HNF4A: variants seen among roughly 807,000 people sequenced by gnomAD.
HNF4A encodes hepatocyte nuclear factor 4-alpha.
HNF4A carries 15 observed loss-of-function variants against 52.4 expected under a neutral mutation model. That is an observed-to-expected ratio of 0.29 (90% CI 0.19 to 0.44). The LOEUF (loss-of-function observed/expected upper bound fraction) is 0.44, where lower values mean the gene tolerates loss of function less well. Among genes scored for constraint, HNF4A ranks in the 20% least tolerant of loss-of-function variants. The pLI, the probability that HNF4A is intolerant of heterozygous loss-of-function variation, is 1.00. For synonymous variants in HNF4A, 280 were observed against 264.4 expected (o/e 1.06, Z -0.57); for missense variants, 479 against 647.2 (o/e 0.74, Z 2.82).
Position 44,424,096 on chromosome 20 carries a change from A to G in HNF4A, c.971A>G (p.Asn324Ser), listed in dbSNP as rs2063784674. 6.2e-7 allele frequency: 1 copy of G among 1,613,242 alleles called. No individual in the cohort carries two copies. The highest frequency in any genetic ancestry group is 1.7e-5 in the Admixed American group (1 of 59,988). ...CAGGTGAGCTTGGAGGACTACATCAACGACCGCCAGTATGACTCGCGTGGC... is the reference window on the plus strand; with the variant it reads ...CAGGTGAGCTTGGAGGACTACATCAGCGACCGCCAGTATGACTCGCGTGGC... Residue 324 changes from asparagine (N) to serine (S), a missense_variant, in exon 8 of 10, where the codon AAC becomes AGC. Asn to Ser is a conservative substitution (Grantham distance 46, BLOSUM62 1). Around this residue, in one of 3 missense-constraint regions of HNF4A, gnomAD observed 389 missense variants for 525.1 expected, o/e 0.74. Transcript: ENST00000316099.
rs1451758887 is a variant in HNF4A at position 44,406,219 on chromosome 20, A to C, written c.277A>C (p.Met93Leu). ...CCGGAGGAGCGTGCGGAAGAACCAC[A>C]TGTACTCCTGCAGGTGAGGAGCCTC... Residue 93 changes from methionine to leucine, a missense_variant, in exon 2 of 10, where the codon ATG (methionine) becomes CTG (leucine). Coordinates refer to ENST00000316099, the MANE Select transcript of HNF4A (RefSeq NM_000457.6). 2 of 1,613,556 alleles carry C rather than the reference A, an allele frequency of 1.2e-6. No homozygotes were observed. Among genetic ancestry groups the C allele is most frequent in the East Asian group, 4.5e-5 (2 of 44,860 alleles).
intron 8 of HNF4A, among the ~76,000 whole-genome samples, chr20:44,424,881 T>C (rs905892127): frequency 2.0e-5 from 3 of 152,180 alleles, no homozygotes; most frequent in Non-Finnish European, 2.9e-5. Flanking sequence ...AAGATGGAGA[T>C]TGGGCAGAAA....
At chr20:44,394,233 C>G (rs7272821) in intron 1 of HNF4A, among the ~76,000 whole-genome samples, 6 of 152,068 alleles carry the variant, frequency 3.9e-5, no homozygotes, top group Non-Finnish European at 7.4e-5. Flanking sequence ...AGACATTGCC[C>G]GGGTCCACAG....
intron 5 of HNF4A, 146 bp downstream of exon 5, chr20:44,414,808 T>C (rs2063640087): frequency 2.6e-6 from 2 of 756,684 alleles, no homozygotes; most frequent in African/African-American, 1.7e-5. Flanking sequence ...TCTGAAACTT[T>C]AAATCACCTT....
chr20:44,373,368 C>T (rs993438613), intron 1 of HNF4A, among the ~76,000 whole-genome samples: 3 of 152,026 alleles, frequency 2.0e-5, no homozygotes, highest in Non-Finnish European at 4.4e-5. Flanking sequence ...GAGATGGGGT[C>T]TTACTGTGTT....
rs6103721 is a variant in HNF4A at position 44,382,705 on chromosome 20, T to G, written c.50-23353T>G. 5.5e-3 allele frequency among the ~76,000 whole-genome samples: 842 copies of G among 152,314 alleles called. 10 individuals are homozygous for G. The highest frequency in any genetic ancestry group is 0.019 in the African/African-American group (807 of 41,556). ...GAACTACATTCTCTCTAATGATACA[T>G]ACGACTGGGTTAGAGGTTTGGGCAG... On this transcript the variant is annotated intron_variant, in intron 1 of 9. Coordinates refer to the HNF4A transcript ENST00000316673.
rs756822197 is a variant in HNF4A at position 44,368,141 on chromosome 20, C to CATATATATATAT, written c.49+12297_49+12308dup. On this transcript the variant is annotated intron_variant, in intron 1 of 9. Transcript: ENST00000316673. ...ATATATGTGTGTGTGTGTGTATATA[C>CATATATATATAT]ATATATATATATATATATATTTTTT... 6.6e-3 allele frequency among the ~76,000 whole-genome samples: 85 copies of CATATATATATAT among 12,896 alleles called. 3 individuals are homozygous for CATATATATATAT. The highest frequency in any genetic ancestry group is 0.013 in the South Asian group (4 of 308). The allele number at this position is 12,896 out of a possible 152,430, so 8.5% of individuals were successfully genotyped here.
chr20:44,411,461 C>A (rs1045220039), intron 3 of HNF4A, among the ~76,000 whole-genome samples: 1 of 152,028 alleles, frequency 6.6e-6, no homozygotes, highest in Non-Finnish European at 1.5e-5. Flanking sequence ...CCTTTCATTC[C>A]GCCCGCCGGC....
At chr20:44,414,414 C>T (rs1220987561) in intron 4 of HNF4A, 93 bp from the exon 5 acceptor site, 5 of 1,573,706 alleles carry the variant, frequency 3.2e-6, no homozygotes, top group Non-Finnish European at 4.4e-6. Flanking sequence ...CCCCTCCCCA[C>T]ATCTGATTCC....
At chr20:44,399,930 G>A (rs922972145), upstream of HNF4A, among the ~76,000 whole-genome samples, 1 of 152,136 alleles carries the variant, frequency 6.6e-6, no homozygotes. Flanking sequence ...TGGAGGACAG[G>A]CTCCCAGGCC....
intron 1 of HNF4A, among the ~76,000 whole-genome samples, chr20:44,370,444 T>C (rs973545251): frequency 2.6e-5 from 4 of 152,238 alleles, no homozygotes; most frequent in African/African-American, 9.6e-5. Context: ...ATAGCTGATT[T>C]CTTCTCATTG....
chr20:44,386,645 T>G (rs1377288309), intron 1 of HNF4A, among the ~76,000 whole-genome samples: 1 of 152,166 alleles, frequency 6.6e-6, no homozygotes, highest in Non-Finnish European at 1.5e-5. Context: ...GTTTTGATTA[T>G]CACACCTTGA....
intron 1 of HNF4A, among the ~76,000 whole-genome samples, chr20:44,388,859 CG>C (rs1238988016): frequency 1.6e-4 from 24 of 152,220 alleles, no homozygotes; most frequent in Non-Finnish European, 1.5e-4. Flanking sequence ...AGCTGCGGCC[CG>C]GGTGGCCACG....
At position 44,406,251 on chromosome 20, in the gene HNF4A, T is replaced by C. The variant is rs751386153; in HGVS notation, c.290+19T>C. The C allele has an allele frequency of 3.7e-6, 6 of 1,610,070 alleles. No individual in the cohort carries two copies. In the East Asian group the frequency reaches 1.3e-4, roughly 36 times the overall value. ...CCTGCAGGTGAGGAGCCTCAATTTCTTCAGCTGGGAAATGGGCACACTTGG... is the reference window on the plus strand; with the variant it reads ...CCTGCAGGTGAGGAGCCTCAATTTCCTCAGCTGGGAAATGGGCACACTTGG... On this transcript the variant is annotated intron_variant, in intron 2 of 9. Transcript: ENST00000316099.
intron 1 of HNF4A, among the ~76,000 whole-genome samples, chr20:44,362,571 C>A (rs1051124694): frequency 1.3e-5 from 2 of 152,026 alleles, no homozygotes; most frequent in African/African-American, 2.4e-5. Context: ...ATGTAATGGG[C>A]AAGATGTTGG....
chr20:44,407,909 C>A (rs1183329486), intron 3 of HNF4A, among the ~76,000 whole-genome samples: 1 of 152,210 alleles, frequency 6.6e-6, no homozygotes, highest in African/African-American at 2.4e-5. Context: ...GCCTGAGCTT[C>A]CGGTCCCAGG....
chr20:44,432,352 T>TA lies in HNF4A; in HGVS notation c.*2687_*2688insA. On this transcript the variant is annotated 3_prime_UTR_variant, in exon 10 of 10. Transcript: ENST00000316099. ...AGAAAATCTCTCGCTCTCTTTTTTT[T>TA]TTTTTTTTTTTTTTTTGGCTACTTG... 7.7e-6 allele frequency: 1 copy of TA among 129,034 alleles called. No individual in the cohort carries two copies. The highest frequency in any genetic ancestry group is 2.6e-4 in the South Asian group (1 of 3,856). The allele number at this position is 129,034 out of a possible 1,614,324, so 8.0% of individuals were successfully genotyped here. A position where few individuals can be genotyped will look rare whatever the true frequency, so the allele number is the denominator to read the frequency against.
At position 44,418,431 on chromosome 20, in the gene HNF4A, C is replaced by G; in HGVS notation, c.655C>G (p.Leu219Val). ...TGTTCCTTCTCTCTTTCAGGTGGCC[C>G]TGCTCAGAGCCCATGCTGGCGAGCA... Residue 219 changes from leucine to valine, a missense_variant, in exon 6 of 10, where the codon CTG (leucine) becomes GTG (valine). Coordinates refer to ENST00000316099, the MANE Select transcript of HNF4A (RefSeq NM_000457.6). The G allele has an allele frequency of 6.2e-7, 1 of 1,613,910 alleles. No homozygotes were observed. Among genetic ancestry groups the G allele is most frequent in the Admixed American group, 1.7e-5 (1 of 60,028 alleles).
chr20:44,387,655 C>CGGGG (rs1212441244), intron 1 of HNF4A, among the ~76,000 whole-genome samples: 25 of 8,612 alleles, frequency 2.9e-3, no homozygotes, highest in South Asian at 7.9e-3. Flanking sequence ...TGGAGGCAGG[C>CGGGG]GGGGGGGGGG....
Sources: gnomAD v4.1 joint callset for allele counts (sites outside exome capture counted in the v4.1 genomes callset) on GRCh38, gnomAD v4.1.1 for gene constraint, gnomAD v4.1.1 regional missense constraint, MANE v1.5 for transcripts, NCBI Gene and HGNC (gene_info 2026-07-23, HGNC 2026-07-21) for gene names.